LEMD1: variants seen among roughly 807,000 people sequenced by gnomAD.
The protein encoded by LEMD1 is LEM domain containing 1.
Under a neutral mutation model 17.4 loss-of-function variants are expected in LEMD1, and 18 were observed. The ratio of observed to expected loss-of-function variants is 1.04; its 90% CI spans 0.72 to 1.54. LEMD1 has a LOEUF of 1.54. Among genes scored for constraint, LEMD1 ranks in the 40% most tolerant of loss-of-function variants. The pLI is 0.00. For synonymous variants in LEMD1, 88 were observed against 77.8 expected, an observed-to-expected ratio of 1.13 and a Z score of -0.69; for missense variants, 195 against 210.4, an observed-to-expected ratio of 0.93 and a Z score of 0.45.
intron 4 of LEMD1, among the ~76,000 whole-genome samples, chr1:205,389,617 G>A (rs1240940097): frequency 2.0e-5 from 3 of 152,150 alleles, no homozygotes; most frequent in African/African-American, 7.2e-5. Context: ...TGTCCCTGAA[G>A]CTTAGGGATG....
chr1:205,432,531 C>A (rs550128060), intron 1 of LEMD1, among the ~76,000 whole-genome samples: 1 of 152,238 alleles, frequency 6.6e-6, no homozygotes, highest in African/African-American at 2.4e-5. Context: ...AGGAAGCACT[C>A]ATGAAATTTC....
intron 4 of LEMD1, among the ~76,000 whole-genome samples, chr1:205,393,491 C>A (rs570002072): frequency 6.6e-6 from 1 of 151,894 alleles, no homozygotes; most frequent in Admixed American, 6.6e-5. Flanking sequence ...GCCTGGCCAA[C>A]ATGGTGAAAC....
Position 205,381,607 on chromosome 1 carries a change from T to G in LEMD1, c.*51A>C. Reference sequence around the variant, plus strand: ...GCCCTTCAGGGTAGTGTTTTGGTTCTTTCCTGAAGCAGGAGGCCTCGCTTG... The same window carrying G: ...GCCCTTCAGGGTAGTGTTTTGGTTCGTTCCTGAAGCAGGAGGCCTCGCTTG... On this transcript the variant is annotated 3_prime_UTR_variant, in exon 6 of 6. Transcript: ENST00000367153. 6.3e-7 allele frequency: 1 copy of G among 1,587,612 alleles called. No individual in the cohort carries two copies. Among genetic ancestry groups the G allele is most frequent in the Admixed American group, 1.7e-5 (1 of 59,946 alleles).
chr1:205,439,231 T>C (rs1037346006), intron 1 of LEMD1, among the ~76,000 whole-genome samples: 1 of 152,236 alleles, frequency 6.6e-6, no homozygotes, highest in Non-Finnish European at 1.5e-5. Flanking sequence ...GTGACCCCAC[T>C]GGCCTTTATT....
At chr1:205,445,084 TAGG>T (rs925325563) in intron 1 of LEMD1, among the ~76,000 whole-genome samples, 7 of 152,180 alleles carry the variant, frequency 4.6e-5, no homozygotes, top group African/African-American at 1.7e-4. Flanking sequence ...AGCTGCGGCT[TAGG>T]AGACCGGATT....
chr1:205,429,777 T>G (rs1666101577), intron 1 of LEMD1, among the ~76,000 whole-genome samples: 1 of 150,000 alleles, frequency 6.7e-6, no homozygotes. Flanking sequence ...GCTATTTTGA[T>G]GTTGGGGGGT....
intron 4 of LEMD1, among the ~76,000 whole-genome samples, chr1:205,409,250 T>G (rs1436797633): frequency 6.6e-6 from 1 of 152,248 alleles, no homozygotes; most frequent in Non-Finnish European, 1.5e-5. Context: ...ATCTGTAGGC[T>G]CTCGATAAAT....
upstream of LEMD1, among the ~76,000 whole-genome samples, chr1:205,424,565 A>C (rs1666031190): frequency 6.6e-6 from 1 of 152,230 alleles, no homozygotes; most frequent in South Asian, 2.1e-4. Context: ...AAAGGAAACA[A>C]ATAGCTACAA....
At position 205,433,560 on chromosome 1, in the gene LEMD1, G is replaced by A. The variant is rs143452047; in HGVS notation, c.-38-12986C>T. 1.6e-4 allele frequency among the ~76,000 whole-genome samples: 24 copies of A among 152,298 alleles called. 1 individual carries two copies. The East Asian group carries it at 3.3e-3, about 21-fold the overall frequency. On this transcript the variant is annotated intron_variant, in intron 1 of 3. Coordinates refer to the LEMD1 transcript ENST00000367154. ...AGCCCCTCCCACAGGGCTTTGCATA[G>A]GGCCGGGACTCAATATTGATAGAAC... is the stretch of plus-strand genomic sequence containing the variant.
At chr1:205,411,509 T>C (rs2102414341) in intron 4 of LEMD1, among the ~76,000 whole-genome samples, 1 of 145,276 alleles carries the variant, frequency 6.9e-6, no homozygotes, top group African/African-American at 2.6e-5. Context: ...TGAGCCAAGA[T>C]TGTGCCACTG....
intron 4 of LEMD1, among the ~76,000 whole-genome samples, chr1:205,390,381 T>C (rs959646171): frequency 2.0e-5 from 3 of 151,856 alleles, no homozygotes; most frequent in South Asian, 2.1e-4. Context: ...AACAAACTTT[T>C]AGTAAACCAG....
chr1:205,417,864 G>T (rs1185777746), intron 3 of LEMD1, among the ~76,000 whole-genome samples: 1 of 150,986 alleles, frequency 6.6e-6, no homozygotes, highest in East Asian at 1.9e-4. Flanking sequence ...GTGGTCACAC[G>T]CTCACAATAG....
intron 4 of LEMD1, among the ~76,000 whole-genome samples, chr1:205,405,485 T>G (rs1457241591): frequency 6.9e-6 from 1 of 144,798 alleles, no homozygotes; most frequent in Non-Finnish European, 1.5e-5. Context: ...TTCTTCCAGT[T>G]GATCGCATCG....
chr1:205,442,478 G>A (rs1345363893), intron 1 of LEMD1, among the ~76,000 whole-genome samples: 1 of 152,172 alleles, frequency 6.6e-6, no homozygotes, highest in Non-Finnish European at 1.5e-5. Context: ...CTTCCTTCGT[G>A]TTTCTCCAGA....
At chr1:205,433,321 G>C (rs1666154163) in intron 1 of LEMD1, among the ~76,000 whole-genome samples, 1 of 152,134 alleles carries the variant, frequency 6.6e-6, no homozygotes, top group African/African-American at 2.4e-5. Context: ...GTGAGGCGTG[G>C]TGGCGGGTGC....
chr1:205,425,180 T>G (rs1352224364), upstream of LEMD1, among the ~76,000 whole-genome samples: 1 of 152,108 alleles, frequency 6.6e-6, no homozygotes, highest in African/African-American at 2.4e-5. Flanking sequence ...TATTCTGCAC[T>G]TGTCTAGTCA....
intron 4 of LEMD1, among the ~76,000 whole-genome samples, chr1:205,390,454 C>T (rs1345131587): frequency 6.6e-6 from 1 of 151,864 alleles, no homozygotes; most frequent in African/African-American, 2.4e-5. Flanking sequence ...AAGTCATACT[C>T]AAAGGTAAAA....
At chr1:205,420,395 G>T in intron 2 of LEMD1, 60 bp downstream of exon 2, 3 of 1,276,856 alleles carry the variant, frequency 2.3e-6, no homozygotes, top group Non-Finnish European at 3.4e-6. Flanking sequence ...TCCTTCTATT[G>T]TAAGTTGTTT....
chr1:205,383,614 A>G (rs1175411692), intron 5 of LEMD1, among the ~76,000 whole-genome samples: 1 of 146,968 alleles, frequency 6.8e-6, no homozygotes, highest in African/African-American at 2.5e-5. Flanking sequence ...CTGTGTATTT[A>G]TATCCTTTTT....
Sources: allele counts gnomAD v4.1 joint callset (sites outside exome capture counted in the v4.1 genomes callset), GRCh38; gene constraint gnomAD v4.1.1; transcripts MANE v1.5; gene names NCBI Gene and HGNC (gene_info 2026-07-23, HGNC 2026-07-21).